The following PXDNL variants were observed in gnomAD, a reference collection of about 807,000 sequenced individuals.
PXDNL encodes the protein peroxidasin like, also known as probable oxidoreductase PXDNL.
PXDNL carries 145 observed loss-of-function variants against 150.8 expected under a neutral mutation model. That is an observed-to-expected ratio of 0.96 (90% CI 0.84 to 1.10). The LOEUF is 1.10. Ranked by LOEUF, PXDNL falls within the 50% of genes least tolerant of loss-of-function variation. The probability of loss-of-function intolerance (pLI) is 0.00; values close to 1 mark genes in which losing one functional copy is unlikely to be tolerated. For synonymous variants in PXDNL, 757 were observed against 725.7 expected (o/e 1.04, Z -0.69); for missense variants, 2,087 against 1,873.9 (o/e 1.11, Z -2.10).
rs148768622 is a variant in PXDNL, at chr8:51,584,758, T to C, written c.308+7869A>G. ...AAGATATAAATAAAGTTGAATCTTA[T>C]ATGTTCTGTTAATGAGATTTTACTT... On this transcript the variant is annotated intron_variant, in intron 3 of 22. Transcript: ENST00000356297. Among the ~76,000 whole-genome samples the C allele has an allele frequency of 6.6e-3, 1,004 of 152,292 alleles. 10 individuals carry two copies. The highest frequency in any genetic ancestry group is 0.023 in the African/African-American group (960 of 41,554).
At chr8:51,695,106 A>T (rs1816087812) in intron 1 of PXDNL, among the ~76,000 whole-genome samples, 1 of 152,190 alleles carries the variant, frequency 6.6e-6, no homozygotes, top group African/African-American at 2.4e-5. Context: ...AGGCTGTGTC[A>T]GCAGAACCTG....
At chr8:51,500,847 C>T (rs979333015) in intron 4 of PXDNL, among the ~76,000 whole-genome samples, 1 of 152,136 alleles carries the variant, frequency 6.6e-6, no homozygotes, top group Non-Finnish European at 1.5e-5. Flanking sequence ...TTACAACCCA[C>T]GTTTCCATAA....
At chr8:51,777,925 C>G (rs1324608330) in intron 1 of PXDNL, among the ~76,000 whole-genome samples, 2 of 151,420 alleles carry the variant, frequency 1.3e-5, no homozygotes, top group African/African-American at 2.4e-5. Context: ...AAAACAACAA[C>G]AACAAAAAAG....
chr8:51,507,998 C>A (rs1226241046), intron 4 of PXDNL, among the ~76,000 whole-genome samples: 1 of 151,928 alleles, frequency 6.6e-6, no homozygotes, highest in Non-Finnish European at 1.5e-5. Flanking sequence ...TCCAAAGGAT[C>A]CTAGAAAAAT....
intron 20 of PXDNL, among the ~76,000 whole-genome samples, chr8:51,344,794 A>G (rs1806093364): frequency 6.6e-6 from 1 of 152,230 alleles, no homozygotes; most frequent in African/African-American, 2.4e-5. Flanking sequence ...TAAGACAATA[A>G]TCCTGTAAAG....
intron 22 of PXDNL, among the ~76,000 whole-genome samples, chr8:51,320,507 T>G (rs967143411): frequency 6.6e-6 from 1 of 152,250 alleles, no homozygotes; most frequent in African/African-American, 2.4e-5. Context: ...CTCAGTTTAC[T>G]TACTGACATA....
At chr8:51,724,821 A>G (rs1816794651) in intron 1 of PXDNL, among the ~76,000 whole-genome samples, 1 of 151,622 alleles carries the variant, frequency 6.6e-6, no homozygotes, top group Admixed American at 6.6e-5. Flanking sequence ...AGTGCCATGA[A>G]CTCTATTGCC....
chr8:51,780,224 G>GAAA (rs1563319254), intron 1 of PXDNL, among the ~76,000 whole-genome samples: 1 of 151,846 alleles, frequency 6.6e-6, no homozygotes, highest in East Asian at 1.9e-4. Flanking sequence ...AAAAAAAGAA[G>GAAA]TGCAGAGCCT....
In PXDNL at chr8:51,483,709, A is replaced by G; in HGVS notation, c.458T>C (p.Leu153Ser). The G allele has an allele frequency of 6.8e-7, 1 of 1,464,002 alleles. No individual in the cohort carries two copies. Among genetic ancestry groups the G allele is most frequent in the Non-Finnish European group, 9.3e-7 (1 of 1,071,438 alleles). 90.7% of individuals were successfully genotyped at this position (1,464,002 alleles called of 1,614,324 possible). Residue 153 changes from leucine to serine, a missense_variant, in exon 6 of 23, where the codon TTG (leucine) becomes TCG (serine). Leu to Ser is a moderately radical substitution (Grantham distance 145, BLOSUM62 -2). Coordinates refer to ENST00000356297, the MANE Select transcript of PXDNL (RefSeq NM_144651.5). The stretch of plus-strand genomic sequence containing the variant: ...AATTTTAGATAATTTGTTGTTATGC[A>G]AAAATCTGAAAAAGAAAAGATAAAC... ...GDLLRLERLF[L>S]HNNKLSKIPA...
chr8:51,720,912 C>A (rs1312496545), intron 1 of PXDNL, among the ~76,000 whole-genome samples: 1 of 152,260 alleles, frequency 6.6e-6, no homozygotes, highest in East Asian at 1.9e-4. Context: ...GGGAACTCCA[C>A]AGGCTGACAC....
Position 51,676,283 on chromosome 8 carries a change from CT to C in PXDNL, c.165-21524del, listed in dbSNP as rs553279148. 7.9e-4 allele frequency among the ~76,000 whole-genome samples: 116 copies of C among 147,148 alleles called. 2 individuals carry two copies. Among genetic ancestry groups the C allele is most frequent in the African/African-American group, 2.4e-3 (97 of 40,386 alleles). On this transcript the variant is annotated intron_variant, in intron 1 of 22. Coordinates refer to ENST00000356297, the MANE Select transcript of PXDNL (RefSeq NM_144651.5). The stretch of plus-strand genomic sequence containing the variant: ...CTGTGGTTCTCCCAGGATGTATTCA[CT>C]TTTTTTTTTTGAGATGGAATCTTGC...
intron 9 of PXDNL, 57 bp from the exon 10 acceptor site, chr8:51,453,842 T>A: frequency 1.3e-6 from 2 of 1,571,668 alleles, no homozygotes; most frequent in Non-Finnish European, 1.7e-6. Context: ...GGAAGATTTA[T>A]TTATTCTGCA....
intron 1 of PXDNL, among the ~76,000 whole-genome samples, chr8:51,727,217 A>G (rs145357202): frequency 6.6e-6 from 1 of 152,318 alleles, no homozygotes; most frequent in East Asian, 1.9e-4. Flanking sequence ...ACTGACCCTA[A>G]ATGCCTTATG....
chr8:51,648,693 A>AT (rs1181711696), intron 2 of PXDNL, among the ~76,000 whole-genome samples: 2 of 152,122 alleles, frequency 1.3e-5, no homozygotes, highest in Non-Finnish European at 2.9e-5. Flanking sequence ...TACATGTATT[A>AT]TTTTGTTTAA....
intron 12 of PXDNL, among the ~76,000 whole-genome samples, chr8:51,434,826 A>G (rs1174330730): frequency 9.2e-5 from 14 of 152,198 alleles, no homozygotes; most frequent in Non-Finnish European, 2.9e-5. Flanking sequence ...CATAGACACA[A>G]TATATCTTGA....
chr8:51,427,056 C>T (rs749737040), intron 12 of PXDNL, among the ~76,000 whole-genome samples: 6 of 152,118 alleles, frequency 3.9e-5, no homozygotes, highest in Non-Finnish European at 5.9e-5. Flanking sequence ...ATTATTCTTT[C>T]TCAGTACTTT....
intron 1 of PXDNL, among the ~76,000 whole-genome samples, chr8:51,796,210 C>A (rs1188347569): frequency 6.6e-6 from 1 of 151,422 alleles, no homozygotes; most frequent in Admixed American, 6.6e-5. Flanking sequence ...ATTAAAAGAA[C>A]CAGAGAACTA....
At chr8:51,485,559 TGATCATCACCAA>T (rs1810711009) in intron 5 of PXDNL, among the ~76,000 whole-genome samples, 1 of 152,172 alleles carries the variant, frequency 6.6e-6, no homozygotes, top group Admixed American at 6.5e-5. Flanking sequence ...AGGTGATATT[TGATCATCACCAA>T]GATCATCACC....
intron 4 of PXDNL, among the ~76,000 whole-genome samples, chr8:51,539,098 G>A (rs1812155016): frequency 6.6e-6 from 1 of 151,988 alleles, no homozygotes; most frequent in South Asian, 2.1e-4. Flanking sequence ...AATTCACCAA[G>A]GGTCTTTCCT....
Sources: gnomAD v4.1 joint callset for allele counts (sites outside exome capture counted in the v4.1 genomes callset) on GRCh38, gnomAD v4.1.1 for gene constraint, MANE v1.5 for transcripts, NCBI Gene and HGNC (gene_info 2026-07-23, HGNC 2026-07-21) for gene names.